DPP6: variants seen among roughly 807,000 people sequenced by gnomAD.
DPP6 encodes A-type potassium channel modulatory protein DPP6.
A neutral mutation model predicts 122.6 loss-of-function variants in DPP6; 69 were observed. The ratio of observed to expected loss-of-function variants is 0.56; its 90% CI spans 0.46 to 0.69. DPP6 has a LOEUF of 0.69. Ranked by LOEUF, DPP6 falls within the 30% of genes least tolerant of loss-of-function variation. The probability of loss-of-function intolerance (pLI) is 0.00; values close to 1 mark genes in which losing one functional copy is unlikely to be tolerated. For synonymous variants in DPP6, 418 were observed against 433.1 expected (o/e 0.97, Z 0.43); for missense variants, 928 against 1,116.9 (o/e 0.83, Z 2.41).
chr7:154,162,800 C>A (rs1797047681), intron 1 of DPP6, among the ~76,000 whole-genome samples: 1 of 152,048 alleles, frequency 6.6e-6, no homozygotes, highest in Admixed American at 6.6e-5. Context: ...GGAATCTGAT[C>A]ATTGCTGGTG....
At chr7:154,807,212 G>T in intron 16 of DPP6, 100 bp downstream of exon 16, 1 of 1,490,076 alleles carries the variant, frequency 6.7e-7, no homozygotes, top group Non-Finnish European at 9.0e-7. Flanking sequence ...GCTGTGGTGG[G>T]AGCACAGCGT....
chr7:153,893,445 G>A (rs760416217), intron 1 of DPP6, among the ~76,000 whole-genome samples: 4 of 152,232 alleles, frequency 2.6e-5, no homozygotes, highest in South Asian at 2.1e-4. Context: ...GGATGAATTC[G>A]TTAAATGAAT....
At chr7:154,231,611 T>C (rs1046106953) in intron 1 of DPP6, among the ~76,000 whole-genome samples, 1 of 152,158 alleles carries the variant, frequency 6.6e-6, no homozygotes, top group African/African-American at 2.4e-5. Flanking sequence ...ACATCATAAC[T>C]GGGAACCCAG....
chr7:153,952,022 G>A (rs1197136439), intron 1 of DPP6, among the ~76,000 whole-genome samples: 4 of 152,166 alleles, frequency 2.6e-5, no homozygotes, highest in African/African-American at 9.7e-5. Flanking sequence ...CAGCCTCGGT[G>A]ACAGAGCTAG....
At chr7:154,092,768 A>G (rs1804954231) in intron 1 of DPP6, 1 of 151,992 alleles carries the variant, frequency 6.6e-6, no homozygotes, top group South Asian at 2.1e-4. Flanking sequence ...ATTTTTTCGG[A>G]CTATATTCAT....
At chr7:154,387,089 AAGAAG>A (rs1370219698) in intron 1 of DPP6, among the ~76,000 whole-genome samples, 1 of 152,088 alleles carries the variant, frequency 6.6e-6, no homozygotes, top group East Asian at 1.9e-4. Context: ...AGAGTGTGGA[AAGAAG>A]AGAAAATGAA....
chr7:154,539,804 G>A (rs913924543), intron 3 of DPP6, among the ~76,000 whole-genome samples: 2 of 151,858 alleles, frequency 1.3e-5, no homozygotes, highest in African/African-American at 4.8e-5. Context: ...AATTATTGGT[G>A]TATTTATTTT....
intron 1 of DPP6, among the ~76,000 whole-genome samples, chr7:154,286,027 C>T (rs1182481904): frequency 6.6e-6 from 1 of 152,130 alleles, no homozygotes; most frequent in East Asian, 1.9e-4. Flanking sequence ...AAGAAAATAT[C>T]GGTAATTTCT....
At chr7:154,444,232 C>T (rs535563585) in intron 1 of DPP6, among the ~76,000 whole-genome samples, 2 of 151,618 alleles carry the variant, frequency 1.3e-5, no homozygotes, top group African/African-American at 2.4e-5. Context: ...CCGAGGCGGG[C>T]GGATCGCAAG....
chr7:154,643,771 A>G (rs2316230), intron 6 of DPP6, among the ~76,000 whole-genome samples: 113,782 of 151,988 alleles, frequency 0.75, 42,894 homozygotes, highest in East Asian at 0.98. Flanking sequence ...TTTTAACACT[A>G]CCCACCAAAG....
the DPP6 span, among the ~76,000 whole-genome samples, chr7:153,836,738 A>G: frequency 6.6e-6 from 1 of 152,294 alleles, no homozygotes; most frequent in South Asian, 2.1e-4. Context: ...ATAAGGCATG[A>G]TGCATGTTTT....
chr7:154,234,110 A>C (rs1801063379), intron 1 of DPP6, among the ~76,000 whole-genome samples: 1 of 152,208 alleles, frequency 6.6e-6, no homozygotes, highest in African/African-American at 2.4e-5. Context: ...TAGGTGATGA[A>C]GCAGTGAATT....
chr7:154,494,076 G>A (rs1390693789), intron 3 of DPP6, among the ~76,000 whole-genome samples: 4 of 152,132 alleles, frequency 2.6e-5, no homozygotes, highest in Non-Finnish European at 4.4e-5. Context: ...ATATATTGCC[G>A]GATATTGTGG....
intron 1 of DPP6, among the ~76,000 whole-genome samples, chr7:154,060,702 G>C (rs1337970685): frequency 2.2e-4 from 25 of 113,990 alleles, no homozygotes; most frequent in South Asian, 6.1e-4. Context: ...CTGGCTGTTA[G>C]TACCCCCATC....
intron 1 of DPP6, among the ~76,000 whole-genome samples, chr7:153,897,932 C>T (rs370664905): frequency 2.0e-5 from 3 of 151,912 alleles, no homozygotes; most frequent in South Asian, 2.1e-4. Context: ...CATTCTGGAC[C>T]GAAAAAGTAG....
chr7:154,538,211 G>T (rs924931134), intron 3 of DPP6, among the ~76,000 whole-genome samples: 1 of 152,148 alleles, frequency 6.6e-6, no homozygotes, highest in East Asian at 1.9e-4. Flanking sequence ...TACCTCAAAT[G>T]TAGTACGGCA....
intron 20 of DPP6, among the ~76,000 whole-genome samples, chr7:154,879,189 T>G (rs1031760092): frequency 6.6e-6 from 1 of 152,196 alleles, no homozygotes; most frequent in African/African-American, 2.4e-5. Flanking sequence ...ACGCCTGTAA[T>G]CCCAGCACTT....
chr7:153,763,149 A>G, the DPP6 span, among the ~76,000 whole-genome samples: 9 of 152,176 alleles, frequency 5.9e-5, no homozygotes, highest in Non-Finnish European at 1.2e-4. Context: ...TGATGCAGTC[A>G]TGTGAAATTT....
intron 8 of DPP6, among the ~76,000 whole-genome samples, chr7:154,748,131 C>T (rs1428633681): frequency 6.6e-6 from 1 of 152,212 alleles, no homozygotes; most frequent in Non-Finnish European, 1.5e-5. Context: ...GCAGAAGGCG[C>T]CCACGTGGTG....
Sources: allele counts gnomAD v4.1 joint callset (sites outside exome capture counted in the v4.1 genomes callset), GRCh38; gene constraint gnomAD v4.1.1; transcripts MANE v1.5; gene names NCBI Gene and HGNC (gene_info 2026-07-23, HGNC 2026-07-21).